CNBD1: variants seen among roughly 807,000 people sequenced by gnomAD.
The protein encoded by CNBD1 is cyclic nucleotide binding domain containing 1, also known as cyclic nucleotide-binding domain-containing protein 1.
CNBD1 carries 71 observed loss-of-function variants against 54.4 expected under a neutral mutation model. The ratio of observed to expected loss-of-function variants is 1.30; its 90% CI spans 1.08 to 1.59. The LOEUF is 1.59. Among genes scored for constraint, CNBD1 ranks in the 40% most tolerant of loss-of-function variants. CNBD1 has a pLI of 0.00. For missense variants in CNBD1, 659 were observed against 518.0 expected (o/e 1.27, Z -2.64); for synonymous variants, 182 against 170.7 (o/e 1.07, Z -0.51).
At chr8:87,170,306 G>T (rs577716827) in intron 4 of CNBD1, among the ~76,000 whole-genome samples, 1 of 151,858 alleles carries the variant, frequency 6.6e-6, no homozygotes, top group Non-Finnish European at 1.5e-5. Context: ...TAGTTTTTTG[G>T]CAGAGTCTTT....
At chr8:86,964,959 T>C (rs1383316251) in intron 4 of CNBD1, among the ~76,000 whole-genome samples, 2 of 152,174 alleles carry the variant, frequency 1.3e-5, no homozygotes, top group African/African-American at 4.8e-5. Flanking sequence ...ATGGAAAAGC[T>C]TTCTTCTTGA....
At chr8:87,174,395 T>C (rs2130771549) in intron 4 of CNBD1, among the ~76,000 whole-genome samples, 1 of 152,338 alleles carries the variant, frequency 6.6e-6, no homozygotes, top group East Asian at 1.9e-4. Context: ...CCAGTTGTAT[T>C]GTTTAACTCT....
intron 4 of CNBD1, among the ~76,000 whole-genome samples, chr8:87,156,308 G>A (rs1485147075): frequency 1.4e-5 from 1 of 73,170 alleles, no homozygotes; most frequent in Non-Finnish European, 2.9e-5. Flanking sequence ...GTGCTGCTAT[G>A]ATCTCTACTT....
chr8:87,315,490 G>A (rs1171840689), intron 8 of CNBD1, among the ~76,000 whole-genome samples: 2 of 151,830 alleles, frequency 1.3e-5, no homozygotes, highest in Non-Finnish European at 2.9e-5. Context: ...CATGACTGAA[G>A]GCAAAAGGGA....
chr8:87,201,626 C>T (rs1445099109), intron 4 of CNBD1, among the ~76,000 whole-genome samples: 1 of 151,918 alleles, frequency 6.6e-6, no homozygotes, highest in Non-Finnish European at 1.5e-5. Context: ...TTAGAATACC[C>T]TCAAAGACAT....
chr8:87,136,609 T>C lies in CNBD1; in HGVS notation c.432-69384T>C, dbSNP rs61316928. Among the ~76,000 whole-genome samples, 290 of 44,540 alleles carry C rather than the reference T, an allele frequency of 6.5e-3. 5 individuals carry two copies. Among genetic ancestry groups the C allele is most frequent in the African/African-American group, 0.027 (276 of 10,064 alleles). The allele number at this position is 44,540 out of a possible 152,430, so 29.2% of individuals were successfully genotyped here. ...TAAATTATATATTATATTTATATTA[T>C]ATATAAATTATATATTATATTTATA... On this transcript the variant is annotated intron_variant, in intron 4 of 10. Coordinates refer to ENST00000518476, the MANE Select transcript of CNBD1 (RefSeq NM_173538.3).
intron 4 of CNBD1, among the ~76,000 whole-genome samples, chr8:86,950,983 C>A (rs891028706): frequency 6.6e-6 from 1 of 152,076 alleles, no homozygotes; most frequent in Non-Finnish European, 1.5e-5. Flanking sequence ...ATAGTGACTA[C>A]TAATGATCCT....
intron 8 of CNBD1, among the ~76,000 whole-genome samples, chr8:87,316,863 T>C (rs1809396775): frequency 6.6e-6 from 1 of 151,798 alleles, no homozygotes; most frequent in Admixed American, 6.6e-5. Flanking sequence ...TATACAAGTA[T>C]TAATCGATAT....
intron 6 of CNBD1, among the ~76,000 whole-genome samples, chr8:87,239,700 G>A (rs1807653182): frequency 6.6e-6 from 1 of 152,220 alleles, no homozygotes. Context: ...TTTCTCATGA[G>A]ATAATGTATA....
rs191099867 is a variant in CNBD1 at position 87,367,562 on chromosome 8, T to A, written c.1303+13776T>A. Among the ~76,000 whole-genome samples the A allele has an allele frequency of 3.9e-3, 592 of 152,248 alleles. 8 individuals carry two copies. The highest frequency in any genetic ancestry group is 0.013 in the African/African-American group (558 of 41,578). ...AAAAAATTGGTACGTTGTTATGAGA[T>A]GTACTGCCTTGGATTCTGAGCTGAT... is the stretch of plus-strand genomic sequence containing the variant. On this transcript the variant is annotated intron_variant, in intron 10 of 10. Transcript: ENST00000518476.
chr8:87,281,157 T>C (rs1209052698), intron 6 of CNBD1, among the ~76,000 whole-genome samples: 4 of 151,704 alleles, frequency 2.6e-5, no homozygotes, highest in Non-Finnish European at 5.9e-5. Flanking sequence ...ATATTTTATG[T>C]ATATTTTTAA....
At chr8:87,092,421 G>A (rs1444423546) in intron 4 of CNBD1, among the ~76,000 whole-genome samples, 4 of 138,800 alleles carry the variant, frequency 2.9e-5, no homozygotes, top group Non-Finnish European at 4.5e-5. Flanking sequence ...GTGTGTGTAT[G>A]TATGTATGTA....
intron 4 of CNBD1, among the ~76,000 whole-genome samples, chr8:87,155,170 CTTAG>C (rs529359956): frequency 2.6e-5 from 4 of 152,180 alleles, no homozygotes; most frequent in Non-Finnish European, 5.9e-5. Context: ...AGGGAGATGT[CTTAG>C]TTAGCCATTC....
At chr8:87,126,464 G>A (rs1483757794) in intron 4 of CNBD1, among the ~76,000 whole-genome samples, 1 of 151,756 alleles carries the variant, frequency 6.6e-6, no homozygotes, top group South Asian at 2.1e-4. Flanking sequence ...ATCTTTGTCG[G>A]TTCAAATCTT....
intron 8 of CNBD1, among the ~76,000 whole-genome samples, chr8:87,319,702 C>T (rs967831452): frequency 8.6e-5 from 13 of 151,942 alleles, no homozygotes; most frequent in East Asian, 3.9e-4. Context: ...TAAGTTTTTC[C>T]TCTTTAACAT....
chr8:87,278,442 C>A (rs758064286), intron 6 of CNBD1, among the ~76,000 whole-genome samples: 1 of 151,542 alleles, frequency 6.6e-6, no homozygotes, highest in African/African-American at 2.4e-5. Context: ...AAAAGAAACA[C>A]ACTCCAAGGT....
intron 8 of CNBD1, among the ~76,000 whole-genome samples, chr8:87,340,132 G>A (rs564464032): frequency 2.2e-4 from 34 of 152,148 alleles, no homozygotes; most frequent in Admixed American, 1.0e-3. Context: ...TTTCATTTTC[G>A]AAGGATAGTT....
chr8:87,361,837 A>C (rs1810530255), intron 10 of CNBD1, among the ~76,000 whole-genome samples: 1 of 151,920 alleles, frequency 6.6e-6, no homozygotes, highest in African/African-American at 2.4e-5. Context: ...TTGAAGTAAA[A>C]ATACAAGATT....
intron 2 of CNBD1, among the ~76,000 whole-genome samples, chr8:86,903,710 A>G (rs903382592): frequency 1.3e-5 from 2 of 152,078 alleles, no homozygotes; most frequent in African/African-American, 4.8e-5. Flanking sequence ...TCAATAAAGT[A>G]TCTCAAATAA....
Sources: allele counts gnomAD v4.1 joint callset (sites outside exome capture counted in the v4.1 genomes callset), GRCh38; gene constraint gnomAD v4.1.1; transcripts MANE v1.5; gene names NCBI Gene and HGNC (gene_info 2026-07-23, HGNC 2026-07-21).